The following RYR2 variants were observed in gnomAD, a reference collection of about 807,000 sequenced individuals.
The protein encoded by RYR2 is ryanodine receptor 2, also known as cardiac muscle ryanodine receptor-calcium release channel.
A neutral mutation model predicts 601.1 loss-of-function variants in RYR2; 227 were observed. The observed-to-expected ratio is 0.38, with a 90% CI of 0.34 to 0.42. RYR2 has a LOEUF of 0.42. RYR2 is among the 10% of genes least tolerant of loss of function. The pLI is 1.00. For missense variants in RYR2, 4,646 were observed against 6,156.5 expected, an observed-to-expected ratio of 0.75 and a Z score of 8.21; for synonymous variants, 2,223 against 2,175.1, an observed-to-expected ratio of 1.02 and a Z score of -0.61.
intron 1 of RYR2, among the ~76,000 whole-genome samples, chr1:237,096,100 T>C (rs1379255539): frequency 6.6e-6 from 1 of 152,154 alleles, no homozygotes; most frequent in East Asian, 1.9e-4. Flanking sequence ...TTTGGGACTT[T>C]TATAGACTTT....
intron 19 of RYR2, among the ~76,000 whole-genome samples, chr1:237,494,469 A>T (rs572780977): frequency 6.6e-6 from 1 of 152,230 alleles, no homozygotes; most frequent in Non-Finnish European, 1.5e-5. Flanking sequence ...AGCTGATTAG[A>T]TGGTGCCCAC....
intron 97 of RYR2, 74 bp from the exon 98 acceptor site, chr1:237,801,782 C>T (rs1426986985): frequency 4.5e-6 from 4 of 884,778 alleles, no homozygotes; most frequent in Non-Finnish European, 7.1e-6. Context: ...ATGTGAAGGC[C>T]GTCAGGCTCT....
chr1:237,148,577 T>C (rs10925328), intron 1 of RYR2, among the ~76,000 whole-genome samples: 76,502 of 129,718 alleles, frequency 0.59, 22,555 homozygotes, highest in Non-Finnish European at 0.65. Context: ...TATATATATA[T>C]ACACACACAT....
intron 1 of RYR2, among the ~76,000 whole-genome samples, chr1:237,049,446 G>T (rs2148127422): frequency 6.6e-6 from 1 of 152,264 alleles, no homozygotes; most frequent in South Asian, 2.1e-4. Context: ...ATAGAGATTT[G>T]TTTGAGAGAG....
intron 1 of RYR2, among the ~76,000 whole-genome samples, chr1:237,246,827 T>G (rs1686901481): frequency 1.3e-5 from 2 of 152,310 alleles, no homozygotes; most frequent in African/African-American, 4.8e-5. Context: ...TCTGATGATT[T>G]ATTTTTGGAT....
intron 2 of RYR2, among the ~76,000 whole-genome samples, chr1:237,309,985 A>G (rs1442974288): frequency 2.0e-5 from 3 of 152,122 alleles, no homozygotes; most frequent in Admixed American, 1.3e-4. Context: ...GTTCCTGCCC[A>G]CACCTCTCCC....
intron 96 of RYR2, 71 bp downstream of exon 96, chr1:237,795,402 T>C: frequency 1.3e-6 from 1 of 783,916 alleles, no homozygotes. Flanking sequence ...GTGATTCAGA[T>C]GTAGAATAAG....
At chr1:237,328,121 C>T (rs935357736) in intron 2 of RYR2, among the ~76,000 whole-genome samples, 1 of 152,054 alleles carries the variant, frequency 6.6e-6, no homozygotes, top group African/African-American at 2.4e-5. Flanking sequence ...ATTTACACCA[C>T]AGAAATGGGC....
rs727504453 is a variant in RYR2 at position 237,550,527 on chromosome 1, CCT to C, written c.3067-16_3067-15del. The stretch of plus-strand genomic sequence containing the variant: ...CTTGGTATTGCTTTGACGGCTGCAC[CCT>C]GTGTTTTCCTGCAGGACGTAAAGAA... On this transcript the variant is annotated splice_polypyrimidine_tract_variant and intron_variant, in intron 26 of 104. Transcript: ENST00000366574. 4.7e-5 allele frequency: 76 copies of C among 1,606,088 alleles called. No homozygotes were observed. In the African/African-American group the frequency reaches 9.6e-4, roughly 20 times the overall value.
chr1:237,484,794 C>CT (rs199621530), intron 17 of RYR2, among the ~76,000 whole-genome samples: 50 of 152,076 alleles, frequency 3.3e-4, no homozygotes, highest in Admixed American at 2.3e-3. Flanking sequence ...AACAGGACCA[C>CT]TTTTTTTTGG....
intron 1 of RYR2, among the ~76,000 whole-genome samples, chr1:237,092,060 A>G (rs1667014031): frequency 6.6e-6 from 1 of 152,206 alleles, no homozygotes; most frequent in South Asian, 2.1e-4. Flanking sequence ...GATTTGACAT[A>G]CGGATACAGC....
chr1:237,107,519 C>CAAAAAAA lies in RYR2; in HGVS notation c.48+64961_48+64967dup, dbSNP rs71561857. On this transcript the variant is annotated intron_variant, in intron 1 of 104. Coordinates refer to ENST00000366574, the MANE Select transcript of RYR2 (RefSeq NM_001035.3). ...TGGGAGACAGAGTGAGACTCCATCT[C>CAAAAAAA]AAAAAAAAAAAAAAAAAGGAAACAT... Among the ~76,000 whole-genome samples the CAAAAAAA allele has an allele frequency of 7.7e-5, 3 of 38,908 alleles. 1 individual carries two copies. Among genetic ancestry groups the CAAAAAAA allele is most frequent in the South Asian group, 4.0e-3 (2 of 494 alleles). 25.5% of individuals were successfully genotyped at this position (38,908 alleles called of 152,430 possible).
chr1:237,545,678 C>T (rs985045495), intron 25 of RYR2, among the ~76,000 whole-genome samples: 20 of 151,716 alleles, frequency 1.3e-4, no homozygotes, highest in Non-Finnish European at 2.6e-4. Flanking sequence ...AACTGTTAAA[C>T]TTGGAAATTA....
intron 2 of RYR2, among the ~76,000 whole-genome samples, chr1:237,308,531 G>C (rs949926676): frequency 3.3e-5 from 5 of 152,184 alleles, no homozygotes; most frequent in African/African-American, 1.2e-4. Context: ...CAAGAATGAA[G>C]CCGCGGACCC....
intron 1 of RYR2, among the ~76,000 whole-genome samples, chr1:237,211,572 A>G (rs1374373888): frequency 1.3e-5 from 2 of 152,208 alleles, no homozygotes; most frequent in African/African-American, 4.8e-5. Context: ...ATTTCCTACC[A>G]TTGCACCAAT....
intron 2 of RYR2, among the ~76,000 whole-genome samples, chr1:237,297,564 T>C (rs1692916617): frequency 6.6e-6 from 1 of 152,030 alleles, no homozygotes. Flanking sequence ...CAATTGGGAG[T>C]ATAATGTGAT....
chr1:237,050,057 G>C (rs965725442), intron 1 of RYR2, among the ~76,000 whole-genome samples: 6 of 152,102 alleles, frequency 3.9e-5, no homozygotes, highest in African/African-American at 1.4e-4. Context: ...GAAGTCCAAG[G>C]CATTCCCTGT....
chr1:237,687,363 CTTCTTTTTT>C, intron 62 of RYR2, 83 bp from the exon 63 acceptor site: 31 of 452,416 alleles, frequency 6.9e-5, no homozygotes, highest in Non-Finnish European at 9.5e-5. Flanking sequence ...CTTTTTTCTT[CTTCTTTTTT>C]TTTTTTTTTT....
chr1:237,739,508 A>C (rs910106260), intron 79 of RYR2, among the ~76,000 whole-genome samples: 1 of 152,184 alleles, frequency 6.6e-6, no homozygotes, highest in Non-Finnish European at 1.5e-5. Context: ...TGATATCACA[A>C]ATTAAACACT....
Sources: gnomAD v4.1 joint callset for allele counts (sites outside exome capture counted in the v4.1 genomes callset) on GRCh38, gnomAD v4.1.1 for gene constraint, MANE v1.5 for transcripts, NCBI Gene and HGNC (gene_info 2026-07-23, HGNC 2026-07-21) for gene names.